Variants in MYO10 observed in about 807,000 individuals in gnomAD.
The protein encoded by MYO10 is unconventional myosin-X.
Under a neutral mutation model 257.3 loss-of-function variants are expected in MYO10, and 133 were observed. That is an observed-to-expected ratio of 0.52 (90% CI 0.45 to 0.60). The LOEUF is 0.60. MYO10 is among the 20% of genes least tolerant of loss of function. The probability of loss-of-function intolerance (pLI) is 0.00; values close to 1 mark genes in which losing one functional copy is unlikely to be tolerated. For synonymous variants in MYO10, 1,104 were observed against 1,028.6 expected, an observed-to-expected ratio of 1.07 and a Z score of -1.40; for missense variants, 2,399 against 2,635.7, an observed-to-expected ratio of 0.91 and a Z score of 1.97.
chr5:16,927,831 CATG>C (rs1746178233), intron 1 of MYO10, among the ~76,000 whole-genome samples: 1 of 152,148 alleles, frequency 6.6e-6, no homozygotes, highest in African/African-American at 2.4e-5. Context: ...CATTAGATGA[CATG>C]ATGTCATGTG....
intron 19 of MYO10, chr5:16,738,369 C>A: frequency 1.0e-6 from 1 of 985,358 alleles, no homozygotes; most frequent in Non-Finnish European, 1.2e-6. Context: ...AAGCTTCCTG[C>A]AGAAGGGTAG....
rs140843383 is a variant in MYO10, at chr5:16,934,569, TTA to T, written c.21+1217_21+1218del. 6.7e-3 allele frequency among the ~76,000 whole-genome samples: 1,018 copies of T among 152,328 alleles called. 14 individuals are homozygous for T. The highest frequency in any genetic ancestry group is 0.023 in the African/African-American group (976 of 41,570). The stretch of plus-strand genomic sequence containing the variant: ...ACTAGAAAATGCGAGCGTCTCACAA[TTA>T]TATATATTTCACTTTTTTTAAGAAA... On this transcript the variant is annotated intron_variant, in intron 1 of 40. Transcript: ENST00000513610.
At chr5:16,690,015 A>G in intron 27 of MYO10, 96 bp from the exon 28 acceptor site, 1 of 864,646 alleles carries the variant, frequency 1.2e-6, no homozygotes, top group South Asian at 1.4e-5. Flanking sequence ...AGAGTTGGGA[A>G]CTGTCTGTTA....
chr5:16,766,703 G>C (rs1326989536), intron 10 of MYO10, among the ~76,000 whole-genome samples: 3 of 151,700 alleles, frequency 2.0e-5, no homozygotes, highest in Non-Finnish European at 1.5e-5. Context: ...TTGACCTCAT[G>C]ATCTACCCGC....
chr5:16,707,331 G>C (rs1485123799), intron 21 of MYO10, among the ~76,000 whole-genome samples: 1 of 152,124 alleles, frequency 6.6e-6, no homozygotes, highest in South Asian at 2.1e-4. Context: ...ATGTTCCCAG[G>C]ACTCAGCCAA....
chr5:16,883,562 C>T (rs1008676054), intron 1 of MYO10, among the ~76,000 whole-genome samples: 1 of 152,186 alleles, frequency 6.6e-6, no homozygotes, highest in African/African-American at 2.4e-5. Flanking sequence ...GGCCAACGGC[C>T]TCCTGCTTGG....
chr5:16,805,458 C>CA (rs36126574), intron 3 of MYO10, among the ~76,000 whole-genome samples: 29,016 of 77,770 alleles, frequency 0.37, 4,225 homozygotes, highest in African/African-American at 0.39. Flanking sequence ...GACTCCATCT[C>CA]AAAAAAAAAA....
In MYO10 at chr5:16,760,491, A is replaced by G. The variant is rs953933365; in HGVS notation, c.1739+973T>C. Among the ~76,000 whole-genome samples the G allele has an allele frequency of 7.2e-5, 11 of 151,950 alleles. No homozygotes were observed. The East Asian group carries it at 7.7e-4, about 11-fold the overall frequency. ...AAAAAAAACAAACCAAAAAAAAACC[A>G]AAAAGGACACTTCCTGGTCTAATAC... On this transcript the variant is annotated intron_variant, in intron 17 of 40. Transcript: ENST00000513610.
intron 3 of MYO10, among the ~76,000 whole-genome samples, chr5:16,796,594 G>A (rs909684076): frequency 3.9e-5 from 6 of 152,124 alleles, no homozygotes; most frequent in African/African-American, 7.2e-5. Flanking sequence ...ACTTTTACAG[G>A]AAATACTAAC....
chr5:16,737,547 G>A (rs1387858983), intron 19 of MYO10, among the ~76,000 whole-genome samples: 2 of 152,198 alleles, frequency 1.3e-5, no homozygotes, highest in African/African-American at 4.8e-5. Context: ...TAGTTGAATA[G>A]TAAAACACAC....
chr5:16,796,497 A>G (rs1741977534), intron 3 of MYO10, among the ~76,000 whole-genome samples: 1 of 151,766 alleles, frequency 6.6e-6, no homozygotes, highest in Non-Finnish European at 1.5e-5. Context: ...GAAAGAAAGA[A>G]GGAAAATAAA....
At position 16,699,589 on chromosome 5, in the gene MYO10, G is replaced by C. The variant is rs375325553; in HGVS notation, c.3433-16C>G. 1.2e-6 allele frequency: 2 copies of C among 1,612,962 alleles called. No homozygotes were observed. Among genetic ancestry groups the C allele is most frequent in the African/African-American group, 1.3e-5 (1 of 74,838 alleles). On this transcript the variant is annotated splice_polypyrimidine_tract_variant and intron_variant, in intron 25 of 40. Transcript: ENST00000513610. ...TATCTTCAAACTGGACCGAGAGAGAGAAGCCAACGGTGAGGGAAAAGGCCA... is the reference window on the plus strand; with the variant it reads ...TATCTTCAAACTGGACCGAGAGAGACAAGCCAACGGTGAGGGAAAAGGCCA...
chr5:16,758,226 T>C lies in MYO10; in HGVS notation c.1740A>G (p.Arg580=), dbSNP rs1191883332. Residue 580 remains arginine (R), a splice_region_variant and synonymous_variant, in exon 18 of 41, where the codon CGA becomes CGG. Coordinates refer to ENST00000513610, the MANE Select transcript of MYO10 (RefSeq NM_012334.3). The part of the protein sequence containing the change: ...DDLLNLLRES[R]FDFIYDLFEH... ...CAAAAAGATCGTAGATAAAGTCAAA[T>C]CTGTGTGAGGCAAGAGCAGGAGGTC... 6.3e-7 allele frequency: 1 copy of C among 1,599,182 alleles called. No homozygotes were observed. The highest frequency in any genetic ancestry group is 1.1e-5 in the South Asian group (1 of 90,814).
intron 17 of MYO10, among the ~76,000 whole-genome samples, chr5:16,758,952 C>T (rs901827112): frequency 2.0e-5 from 3 of 151,280 alleles, no homozygotes; most frequent in African/African-American, 4.9e-5. Flanking sequence ...GACAGAGTTT[C>T]GCTCTTTCAC....
At chr5:16,674,629 A>G (rs964568913) in intron 35 of MYO10, among the ~76,000 whole-genome samples, 6 of 151,274 alleles carry the variant, frequency 4.0e-5, no homozygotes, top group Non-Finnish European at 7.4e-5. Flanking sequence ...ATACATTAGG[A>G]CATTACACCA....
At chr5:16,788,245 G>A (rs1186181316) in intron 4 of MYO10, among the ~76,000 whole-genome samples, 1 of 152,136 alleles carries the variant, frequency 6.6e-6, no homozygotes, top group Non-Finnish European at 1.5e-5. Flanking sequence ...CAGGATTGCT[G>A]AGGGGCCTGG....
intron 1 of MYO10, among the ~76,000 whole-genome samples, chr5:16,878,764 A>G (rs1226208176): frequency 6.6e-6 from 1 of 152,144 alleles, no homozygotes; most frequent in Non-Finnish European, 1.5e-5. Flanking sequence ...TCTCGCTTAT[A>G]AGTGGGAGCT....
intron 18 of MYO10, 24 bp from the exon 19 acceptor site, chr5:16,754,932 T>C: frequency 2.7e-6 from 4 of 1,471,268 alleles, no homozygotes; most frequent in Non-Finnish European, 3.7e-6. Context: ...TATATGTTGA[T>C]TTAGTCTCTT....
chr5:16,867,449 T>C (rs1561027084), intron 2 of MYO10, among the ~76,000 whole-genome samples: 1 of 150,922 alleles, frequency 6.6e-6, no homozygotes, highest in Non-Finnish European at 1.5e-5. Flanking sequence ...TCAAGGGACA[T>C]AAAAACGACA....
Sources: gnomAD v4.1 joint callset for allele counts (sites outside exome capture counted in the v4.1 genomes callset) on GRCh38, gnomAD v4.1.1 for gene constraint, MANE v1.5 for transcripts, NCBI Gene and HGNC (gene_info 2026-07-23, HGNC 2026-07-21) for gene names.